The following USP7 variants were observed in gnomAD, a reference collection of about 807,000 sequenced individuals.
The protein encoded by USP7 is ubiquitin specific peptidase 7, also known as ubiquitin C-terminal hydrolase 7.
USP7 carries 9 observed loss-of-function variants against 162.9 expected under a neutral mutation model. The observed-to-expected ratio is 0.06, with a 90% confidence interval of 0.03 to 0.10. The LOEUF (loss-of-function observed/expected upper bound fraction) is 0.10, where lower values mean the gene tolerates loss of function less well. Among genes scored for constraint, USP7 ranks in the 10% least tolerant of loss-of-function variants. The pLI is 1.00. For synonymous variants in USP7, 562 were observed against 475.9 expected (o/e 1.18, Z -2.35); for missense variants, 715 against 1,373.7 (o/e 0.52, Z 7.58).
rs1353496988 is a variant in USP7 at position 8,893,546 on chromosome 16, G to A, written c.*452C>T. 6.2e-6 allele frequency: 1 copy of A among 161,446 alleles called. No individual in the cohort carries two copies. Among genetic ancestry groups the A allele is most frequent in the African/African-American group, 2.4e-5 (1 of 41,700 alleles). The allele number at this position is 161,446 out of a possible 1,614,324, so 10.0% of individuals were successfully genotyped here. A position where few individuals can be genotyped will look rare whatever the true frequency, so the allele number is the denominator to read the frequency against. On this transcript the variant is annotated 3_prime_UTR_variant, in exon 31 of 31. Coordinates refer to ENST00000344836, the MANE Select transcript of USP7 (RefSeq NM_003470.3). Reference sequence around the variant, plus strand: ...TGAGTTTCTCTGTTTTGCCTTAACAGATGCACAAAAGGTCATTGAAAGTAT... The same window carrying A: ...TGAGTTTCTCTGTTTTGCCTTAACAAATGCACAAAAGGTCATTGAAAGTAT...
intron 1 of USP7, chr16:8,962,957 G>C (rs1028345004): frequency 4.7e-6 from 1 of 214,768 alleles, no homozygotes; most frequent in African/African-American, 2.3e-5. Flanking sequence ...AGGGCGCTTT[G>C]TGCCGCGGAG....
chr16:8,936,587 C>T (rs1382390), intron 1 of USP7: 11 of 1,545,376 alleles, frequency 7.1e-6, no homozygotes, highest in Non-Finnish European at 4.3e-6. Context: ...ACTCACCTTC[C>T]AGCCCAAGCC....
chr16:8,921,148 G>A lies in USP7; in HGVS notation c.522+9C>T. On this transcript the variant is annotated intron_variant, in intron 4 of 30. Coordinates refer to ENST00000344836, the MANE Select transcript of USP7 (RefSeq NM_003470.3). ...ACCAATTGTTCAGACTAAATACACT[G>A]TTACTTACACTCCAGGCCATAAAAT... 5.6e-6 allele frequency: 9 copies of A among 1,613,302 alleles called. No individual in the cohort carries two copies. Among genetic ancestry groups the A allele is most frequent in the South Asian group, 1.1e-5 (1 of 91,066 alleles).
At chr16:8,902,321 T>A in intron 17 of USP7, 60 bp downstream of exon 17, 1 of 1,589,882 alleles carries the variant, frequency 6.3e-7, no homozygotes, top group Non-Finnish European at 8.6e-7. Flanking sequence ...CTGCACTAAG[T>A]GCAGAGGACT....
At chr16:8,906,747 A>G (rs1299301086) in intron 12 of USP7, among the ~76,000 whole-genome samples, 165 bp from the exon 13 acceptor site, 1 of 152,222 alleles carries the variant, frequency 6.6e-6, no homozygotes, top group African/African-American at 2.4e-5. Flanking sequence ...TACTTGATAG[A>G]AATAACTATT....
At chr16:8,910,165 T>C (rs1475551465) in intron 11 of USP7, among the ~76,000 whole-genome samples, 1 of 152,092 alleles carries the variant, frequency 6.6e-6, no homozygotes, top group Non-Finnish European at 1.5e-5. Flanking sequence ...ACTGGATCCA[T>C]GAGGACACTG....
chr16:8,892,549 C>A lies in USP7; in HGVS notation c.*1449G>T, dbSNP rs2061613914. ...CATCTCCAGTCACCTTATTTGTACA[C>A]AGTTCTCTCCTGGAAAACCTTTCAT... On this transcript the variant is annotated 3_prime_UTR_variant, in exon 31 of 31. Coordinates refer to ENST00000344836, the MANE Select transcript of USP7 (RefSeq NM_003470.3). The A allele has an allele frequency of 6.9e-6, 1 of 145,424 alleles. No homozygotes were observed. Among genetic ancestry groups the A allele is most frequent in the Non-Finnish European group, 1.5e-5 (1 of 66,998 alleles). 9.0% of individuals were successfully genotyped at this position (145,424 alleles called of 1,614,324 possible).
intron 4 of USP7, 143 bp downstream of exon 4, chr16:8,921,012 GAA>G: frequency 1.1e-6 from 1 of 944,418 alleles, no homozygotes; most frequent in Non-Finnish European, 1.5e-6. Flanking sequence ...CGAAACTGGA[GAA>G]AACATGTTTT....
At chr16:8,901,328 A>G in intron 18 of USP7, 94 bp from the exon 19 acceptor site, 1 of 854,574 alleles carries the variant, frequency 1.2e-6, no homozygotes, top group Non-Finnish European at 1.9e-6. Flanking sequence ...ACGAAAAAAA[A>G]AAAACAGTAA....
chr16:8,895,937 A>C (rs1371797642), intron 26 of USP7, among the ~76,000 whole-genome samples, 196 bp from the exon 27 acceptor site: 1 of 151,622 alleles, frequency 6.6e-6, no homozygotes, highest in Admixed American at 6.6e-5. Flanking sequence ...CCCGGGTTCA[A>C]GCAATTCTCC....
intron 26 of USP7, 38 bp from the exon 27 acceptor site, chr16:8,895,779 T>A: frequency 7.4e-7 from 1 of 1,345,578 alleles, no homozygotes; most frequent in Non-Finnish European, 1.0e-6. Flanking sequence ...CAAAATGAAG[T>A]ATATATATTC....
intron 14 of USP7, 33 bp from the exon 15 acceptor site, chr16:8,904,598 C>A (rs776966638): frequency 2.6e-5 from 42 of 1,609,094 alleles, no homozygotes; most frequent in Non-Finnish European, 3.6e-5. Flanking sequence ...TTGACCCCTG[C>A]AGATGGACTT....
intron 4 of USP7, 21 bp from the exon 5 acceptor site, chr16:8,920,468 T>C: frequency 6.3e-7 from 1 of 1,593,246 alleles, no homozygotes; most frequent in Non-Finnish European, 8.6e-7. Flanking sequence ...TAAATAAGAA[T>C]ATCCAGCTTG....
intron 1 of USP7, among the ~76,000 whole-genome samples, chr16:8,932,238 T>C (rs992330182): frequency 3.9e-5 from 6 of 152,224 alleles, no homozygotes; most frequent in South Asian, 2.1e-4. Context: ...TCAGTCTTGA[T>C]AGTCTCTTAA....
intron 6 of USP7, among the ~76,000 whole-genome samples, chr16:8,918,329 G>T (rs1897491832): frequency 6.6e-6 from 1 of 152,096 alleles, no homozygotes; most frequent in African/African-American, 2.4e-5. Flanking sequence ...TCTCAAAATA[G>T]AACTAACTCA....
At chr16:8,933,792 A>C (rs544687032) in intron 1 of USP7, among the ~76,000 whole-genome samples, 2 of 147,092 alleles carry the variant, frequency 1.4e-5, no homozygotes, top group African/African-American at 5.1e-5. Flanking sequence ...GTCTTCCTCT[A>C]TCTCCCAGGC....
chr16:8,959,951 A>AGACT lies in USP7; in HGVS notation c.79+3252_79+3255dup, dbSNP rs536676749. ...CGTCTCAGAGCCGACACTGAAACAG[A>AGACT]GACTGCTCACTTGGGCAGAAGAACC... is the stretch of plus-strand genomic sequence containing the variant. On this transcript the variant is annotated intron_variant, in intron 1 of 30. Coordinates refer to ENST00000344836, the MANE Select transcript of USP7 (RefSeq NM_003470.3). Among the ~76,000 whole-genome samples the AGACT allele has an allele frequency of 1.6e-3, 247 of 152,314 alleles. 2 individuals carry two copies. The highest frequency in any genetic ancestry group is 2.7e-3 in the Non-Finnish European group (184 of 68,020).
chr16:8,905,091 A>T, intron 14 of USP7, 96 bp downstream of exon 14: 1 of 1,476,964 alleles, frequency 6.8e-7, no homozygotes, highest in Non-Finnish European at 9.4e-7. Flanking sequence ...GAATAAGCAT[A>T]AAATGTGTTT....
In USP7 at chr16:8,902,020, C is replaced by T. The variant is rs1336137634; in HGVS notation, c.2047+62G>A. 20 of 1,405,612 alleles carry T rather than the reference C, an allele frequency of 1.4e-5. No homozygotes were observed. In the Admixed American group the frequency reaches 3.1e-4, roughly 22 times the overall value. 87.1% of individuals were successfully genotyped at this position (1,405,612 alleles called of 1,614,324 possible). A position where few individuals can be genotyped will look rare whatever the true frequency, so the allele number is the denominator to read the frequency against. ...AAGGCTTAACCCTGTGTGTTTAGAA[C>T]AACAATCCAGGAATCCAACGCTACT... On this transcript the variant is annotated intron_variant, in intron 18 of 30. Transcript: ENST00000344836.
Sources: gnomAD v4.1 joint callset for allele counts (sites outside exome capture counted in the v4.1 genomes callset) on GRCh38, gnomAD v4.1.1 for gene constraint, MANE v1.5 for transcripts, NCBI Gene and HGNC (gene_info 2026-07-23, HGNC 2026-07-21) for gene names.